MTHFD2L: variants seen among roughly 807,000 people sequenced by gnomAD.
MTHFD2L encodes methylenetetrahydrofolate dehydrogenase (NADP+ dependent) 2 like.
A neutral mutation model predicts 34.9 loss-of-function variants in MTHFD2L; 29 were observed. That is an observed-to-expected ratio of 0.83 (90% confidence interval 0.62 to 1.13). The LOEUF (loss-of-function observed/expected upper bound fraction) is 1.13. MTHFD2L is among the 50% of genes most tolerant of loss of function. The pLI, the probability that MTHFD2L is intolerant of heterozygous loss-of-function variation, is 0.00. For missense variants in MTHFD2L, 481 were observed against 446.5 expected, an observed-to-expected ratio of 1.08 and a Z score of -0.70; for synonymous variants, 167 against 155.7, an observed-to-expected ratio of 1.07 and a Z score of -0.54.
chr4:74,147,792 C>CT (rs1305324317), intron 1 of MTHFD2L, among the ~76,000 whole-genome samples: 5 of 152,096 alleles, frequency 3.3e-5, no homozygotes, highest in Non-Finnish European at 4.4e-5. Context: ...TGTTGAGCAT[C>CT]TTTTTTTTAT....
chr4:74,187,253 CAAAAT>C (rs886584596), intron 3 of MTHFD2L, among the ~76,000 whole-genome samples: 2 of 151,502 alleles, frequency 1.3e-5, no homozygotes, highest in African/African-American at 2.4e-5. Context: ...AGAAATTTCT[CAAAAT>C]AAAACACAAA....
chr4:74,296,289 C>A (rs1318443732), intron 7 of MTHFD2L, among the ~76,000 whole-genome samples: 1 of 152,084 alleles, frequency 6.6e-6, no homozygotes, highest in Non-Finnish European at 1.5e-5. Context: ...ATAATCAAAT[C>A]TGTGTTTTAA....
At chr4:74,148,821 G>A (rs1473879516) in intron 1 of MTHFD2L, among the ~76,000 whole-genome samples, 1 of 151,740 alleles carries the variant, frequency 6.6e-6, no homozygotes, top group African/African-American at 2.4e-5. Flanking sequence ...AATAAACGGA[G>A]AAATCACTGG....
In MTHFD2L at chr4:74,174,500, C is replaced by T; in HGVS notation, c.144-6C>T. ...TTTTTAGTATTTATTGTTTTGCTTT[C>T]CACAGACATGAAGCCATTATTATAT... On this transcript the variant is annotated splice_polypyrimidine_tract_variant and splice_region_variant and intron_variant, in intron 1 of 7. Transcript: ENST00000325278. 6.8e-7 allele frequency: 1 copy of T among 1,463,990 alleles called. No homozygotes were observed. Among genetic ancestry groups the T allele is most frequent in the Non-Finnish European group, 9.1e-7 (1 of 1,103,710 alleles). 90.7% of individuals were successfully genotyped at this position (1,463,990 alleles called of 1,614,324 possible). A position where few individuals can be genotyped will look rare whatever the true frequency, so the allele number is the denominator to read the frequency against.
intron 1 of MTHFD2L, among the ~76,000 whole-genome samples, chr4:74,134,837 G>A (rs1261660871): frequency 6.6e-6 from 1 of 151,684 alleles, no homozygotes; most frequent in Admixed American, 6.6e-5. Context: ...AACTCTTCAG[G>A]GGATCTCAAC....
At chr4:74,161,090 T>C (rs767675975) in intron 1 of MTHFD2L, 1 of 152,240 alleles carries the variant, frequency 6.6e-6, no homozygotes. Context: ...GTGTACTGCC[T>C]ACAGGTCTTT....
At chr4:74,289,179 C>T (rs79627311) in intron 7 of MTHFD2L, among the ~76,000 whole-genome samples, 1 of 152,120 alleles carries the variant, frequency 6.6e-6, no homozygotes. Context: ...TATAACAAGG[C>T]AGTGTCTTAG....
At chr4:74,206,587 A>C (rs1735367480) in intron 5 of MTHFD2L, among the ~76,000 whole-genome samples, 1 of 152,156 alleles carries the variant, frequency 6.6e-6, no homozygotes, top group African/African-American at 2.4e-5. Flanking sequence ...TGTATCTTGA[A>C]ACCCAAGAGA....
chr4:74,271,289 T>A (rs1745947553), intron 6 of MTHFD2L, among the ~76,000 whole-genome samples: 2 of 152,128 alleles, frequency 1.3e-5, no homozygotes, highest in South Asian at 4.1e-4. Context: ...TCTTCTAGAG[T>A]TTTTATGGTT....
At chr4:74,203,316 T>C (rs1197275625) in intron 5 of MTHFD2L, among the ~76,000 whole-genome samples, 1 of 152,180 alleles carries the variant, frequency 6.6e-6, no homozygotes, top group Non-Finnish European at 1.5e-5. Context: ...GCTTAGTCTA[T>C]TGCTGCTTAT....
In MTHFD2L at chr4:74,131,045, C is replaced by T. The variant is rs558360898; in HGVS notation, c.-297+5528C>T. On this transcript the variant is annotated intron_variant, in intron 1 of 7. Coordinates refer to the MTHFD2L transcript ENST00000433372. ...ACAACTTACAAGGGATGTGAAGGAC[C>T]CTTCAAGAAGAACTACAAACCGCTG... Among the ~76,000 whole-genome samples the T allele has an allele frequency of 2.6e-5, 4 of 152,054 alleles. No homozygotes were observed. In the South Asian group the frequency reaches 8.3e-4, roughly 32 times the overall value.
At chr4:74,245,698 G>A (rs1210802442) in intron 6 of MTHFD2L, among the ~76,000 whole-genome samples, 2 of 151,812 alleles carry the variant, frequency 1.3e-5, no homozygotes, top group Admixed American at 6.6e-5. Flanking sequence ...TCATTGTTCA[G>A]TTCCCATCTA....
chr4:74,192,494 G>A (rs1732728254), intron 3 of MTHFD2L, among the ~76,000 whole-genome samples: 1 of 152,042 alleles, frequency 6.6e-6, no homozygotes, highest in African/African-American at 2.4e-5. Flanking sequence ...CATTATTTAT[G>A]TTATGTGAAA....
chr4:74,225,682 G>A (rs550650135), intron 6 of MTHFD2L, among the ~76,000 whole-genome samples: 10 of 152,078 alleles, frequency 6.6e-5, no homozygotes, highest in Non-Finnish European at 1.2e-4. Context: ...CAGCATTTAC[G>A]GAAAAAGGTT....
intron 2 of MTHFD2L, among the ~76,000 whole-genome samples, chr4:74,115,749 A>G (rs1243432538): frequency 2.0e-5 from 3 of 152,238 alleles, no homozygotes; most frequent in African/African-American, 7.2e-5. Flanking sequence ...CAATGTAAAT[A>G]TAAGTGATTA....
At chr4:74,199,720 T>G in intron 3 of MTHFD2L, 74 bp from the exon 4 acceptor site, 2 of 1,278,336 alleles carry the variant, frequency 1.6e-6, no homozygotes, top group Non-Finnish European at 2.2e-6. Context: ...TGGCTTTAGA[T>G]TCTCAGATTT....
At chr4:74,292,534 C>T (rs1453291028) in intron 7 of MTHFD2L, among the ~76,000 whole-genome samples, 1 of 151,806 alleles carries the variant, frequency 6.6e-6, no homozygotes, top group Non-Finnish European at 1.5e-5. Flanking sequence ...ACAGATTTGC[C>T]ACTCTGATAC....
At chr4:74,171,402 A>G (rs1401550410) in intron 1 of MTHFD2L, among the ~76,000 whole-genome samples, 7 of 152,240 alleles carry the variant, frequency 4.6e-5, no homozygotes, top group African/African-American at 1.2e-4. Context: ...GAAGGAATGC[A>G]AAGTTGCAAA....
At chr4:74,143,094 T>G (rs1300895196) in intron 1 of MTHFD2L, among the ~76,000 whole-genome samples, 1 of 150,810 alleles carries the variant, frequency 6.6e-6, no homozygotes, top group Non-Finnish European at 1.5e-5. Flanking sequence ...GTCCACACTG[T>G]CTATATATTA....
Sources: gnomAD v4.1 joint callset for allele counts (sites outside exome capture counted in the v4.1 genomes callset) on GRCh38, gnomAD v4.1.1 for gene constraint, MANE v1.5 for transcripts, NCBI Gene and HGNC (gene_info 2026-07-23, HGNC 2026-07-21) for gene names.